ZNF569: variants seen among roughly 807,000 people sequenced by gnomAD.
The protein encoded by ZNF569 is zinc finger protein 569.
A neutral mutation model predicts 56.3 loss-of-function variants in ZNF569; 38 were observed. That is an observed-to-expected ratio of 0.68 (90% CI 0.52 to 0.88). The LOEUF (loss-of-function observed/expected upper bound fraction) is 0.88. Ranked by LOEUF, ZNF569 falls within the 40% of genes least tolerant of loss-of-function variation. The probability of loss-of-function intolerance (pLI) is 0.00; values close to 1 mark genes in which losing one functional copy is unlikely to be tolerated. For missense variants in ZNF569, 666 were observed against 809.2 expected, an observed-to-expected ratio of 0.82 and a Z score of 2.15; for synonymous variants, 241 against 262.9, an observed-to-expected ratio of 0.92 and a Z score of 0.81.
chr19:37,412,418 C>A lies in ZNF569; in HGVS notation c.*179G>T. 1 of 1,156,444 alleles carries A rather than the reference C, an allele frequency of 8.6e-7. No individual in the cohort carries two copies. The highest frequency in any genetic ancestry group is 1.1e-6 in the Non-Finnish European group (1 of 894,870). 71.6% of individuals were successfully genotyped at this position (1,156,444 alleles called of 1,614,324 possible). A position where few individuals can be genotyped will look rare whatever the true frequency, so the allele number is the denominator to read the frequency against. On this transcript the variant is annotated 3_prime_UTR_variant, in exon 6 of 6. Coordinates refer to ENST00000316950, the MANE Select transcript of ZNF569 (RefSeq NM_152484.3). ...GTCTGCTGAAAGTTTCTGGTAACAG[C>A]TTTTTCATTATATAATTTGTCACCT...
chr19:37,426,488 T>A, intron 3 of ZNF569, 110 bp from the exon 4 acceptor site: 1 of 1,202,380 alleles, frequency 8.3e-7, no homozygotes, highest in Non-Finnish European at 1.1e-6. Context: ...AAAAAGCCCA[T>A]CATATTAGCA....
Position 37,412,685 on chromosome 19 carries a change from C to G in ZNF569, c.1973G>C (p.Gly658Ala). The G allele has an allele frequency of 6.2e-7, 1 of 1,614,090 alleles. No homozygotes were observed. The highest frequency in any genetic ancestry group is 1.1e-5 in the South Asian group (1 of 91,074). ...CTCAATACAGTGATAGGGCTTCTCA[C>G]CTGTATGTTTTCTCATATGAAGGGT... ...SLTLHMRKHT[G>A]EKPYHCIECG... Residue 658 changes from glycine to alanine, a missense_variant, in exon 6 of 6, where the codon GGT becomes GCT. Transcript: ENST00000316950.
intron 2 of ZNF569, among the ~76,000 whole-genome samples, chr19:37,456,856 T>G (rs901969069): frequency 1.3e-5 from 2 of 151,516 alleles, no homozygotes; most frequent in Non-Finnish European, 2.9e-5. Flanking sequence ...TAATCCTAGC[T>G]ACTCAGGAGG....
intron 1 of ZNF569, 42 bp downstream of exon 1, chr19:37,467,040 CAA>C (rs1190218162): frequency 6.6e-6 from 1 of 152,368 alleles, no homozygotes; most frequent in Non-Finnish European, 1.5e-5. Context: ...CCACCCAGCA[CAA>C]AGAGTCCGGC....
chr19:37,426,988 G>A (rs778128036), intron 3 of ZNF569, among the ~76,000 whole-genome samples: 2 of 152,154 alleles, frequency 1.3e-5, no homozygotes, highest in Non-Finnish European at 2.9e-5. Context: ...TTAATGGTCA[G>A]AAATAGAATT....
rs543636821 is a variant in ZNF569 at position 37,423,141 on chromosome 19, T to TG, written c.238+2726_238+2727insC. The stretch of plus-strand genomic sequence containing the variant: ...TTGTCAACTCTGAAAATTTGAAGAC[T>TG]AGAATTAAGTGGGTAATTTCATGGA... On this transcript the variant is annotated intron_variant, in intron 5 of 5. Transcript: ENST00000316950. Among the ~76,000 whole-genome samples, 431 of 152,316 alleles carry TG rather than the reference T, an allele frequency of 2.8e-3. 3 individuals carry two copies. Among genetic ancestry groups the TG allele is most frequent in the South Asian group, 0.025 (119 of 4,832 alleles).
At chr19:37,458,101 G>A (rs2041701949) in intron 2 of ZNF569, among the ~76,000 whole-genome samples, 1 of 152,044 alleles carries the variant, frequency 6.6e-6, no homozygotes. Flanking sequence ...GAACACTTGG[G>A]CTCAAGTGAT....
Position 37,413,761 on chromosome 19 carries a change from T to G in ZNF569, c.897A>C (p.Glu299Asp). The G allele has an allele frequency of 6.2e-7, 1 of 1,613,636 alleles. No individual in the cohort carries two copies. The highest frequency in any genetic ancestry group is 1.3e-5 in the African/African-American group (1 of 75,032). ...TGAATGCTTTTCCACACTCATTACATTCATAAGGTTTCTCTCCAGTATGAA... is the reference window on the plus strand; with the variant it reads ...TGAATGCTTTTCCACACTCATTACAGTCATAAGGTTTCTCTCCAGTATGAA... ...EKIHTGEKPY[E>D]CNECGKAFSQ... Residue 299 changes from glutamate to aspartate, a missense_variant, in exon 6 of 6, where the codon GAA (glutamate) becomes GAC (aspartate). Physicochemically the swap from Glu to Asp is conservative, Grantham distance 45 (BLOSUM62 2). Transcript: ENST00000316950.
chr19:37,424,858 T>C (rs1195305340), intron 5 of ZNF569, among the ~76,000 whole-genome samples: 4 of 145,190 alleles, frequency 2.8e-5, no homozygotes, highest in Non-Finnish European at 4.5e-5. Context: ...TGGTGGCTCA[T>C]GCCTGTAATC....
intron 2 of ZNF569, among the ~76,000 whole-genome samples, chr19:37,464,960 C>T (rs1441080972): frequency 6.6e-6 from 1 of 152,148 alleles, no homozygotes; most frequent in Non-Finnish European, 1.5e-5. Flanking sequence ...ATTAATACTA[C>T]GGGCCATAAA....
chr19:37,414,975 A>G (rs1340217945), intron 5 of ZNF569, among the ~76,000 whole-genome samples: 1 of 152,170 alleles, frequency 6.6e-6, no homozygotes, highest in African/African-American at 2.4e-5. Context: ...AACAGATTTT[A>G]AAGGACAACT....
intron 3 of ZNF569, among the ~76,000 whole-genome samples, chr19:37,439,434 G>A (rs2146927369): frequency 6.6e-6 from 1 of 152,300 alleles, no homozygotes; most frequent in Non-Finnish European, 1.5e-5. Flanking sequence ...GGAGAAAAGG[G>A]AACCCTCATA....
intron 2 of ZNF569, among the ~76,000 whole-genome samples, chr19:37,448,454 C>CT (rs1392129813): frequency 2.1e-5 from 3 of 144,740 alleles, no homozygotes; most frequent in Admixed American, 6.8e-5. Flanking sequence ...CAATTTGTTT[C>CT]TTTTTTTCAA....
chr19:37,448,448 T>A (rs996620054), intron 2 of ZNF569, among the ~76,000 whole-genome samples: 2 of 152,054 alleles, frequency 1.3e-5, no homozygotes, highest in African/African-American at 4.8e-5. Flanking sequence ...TATCAGCAAT[T>A]TGTTTCTTTT....
chr19:37,434,906 C>A (rs540527478), intron 3 of ZNF569, among the ~76,000 whole-genome samples: 3 of 152,208 alleles, frequency 2.0e-5, no homozygotes, highest in Admixed American at 2.0e-4. Context: ...TCCCACCACC[C>A]TTTGCTGACT....
chr19:37,444,964 G>C lies in ZNF569; in HGVS notation c.-43C>G. On this transcript the variant is annotated splice_region_variant and 5_prime_UTR_variant, in exon 3 of 6. Coordinates refer to ENST00000316950, the MANE Select transcript of ZNF569 (RefSeq NM_152484.3). ...AAGGGATGGGGCCTGCAGAAGTAGA[G>C]CTGGGGAAGAGAATAAAAGTCATTA... 1.1e-5 allele frequency: 17 copies of C among 1,600,654 alleles called. No homozygotes were observed. The highest frequency in any genetic ancestry group is 1.4e-5 in the Non-Finnish European group (17 of 1,174,962).
intron 2 of ZNF569, among the ~76,000 whole-genome samples, chr19:37,457,796 C>A (rs1290019074): frequency 2.6e-5 from 4 of 152,008 alleles, no homozygotes; most frequent in Non-Finnish European, 5.9e-5. Flanking sequence ...TGTAACAAAC[C>A]TGCATGTTGT....
intron 2 of ZNF569, among the ~76,000 whole-genome samples, chr19:37,454,009 G>C (rs1050387762): frequency 6.6e-6 from 1 of 152,134 alleles, no homozygotes; most frequent in Non-Finnish European, 1.5e-5. Flanking sequence ...AGGTTAAGAA[G>C]TTTTTACACT....
rs899178598 is a variant in ZNF569, at chr19:37,411,878, A to G, written c.*719T>C. ...CTGCTTGATTTATTCACTTGGTAAT[A>G]CATTGTTTAAATGACAGCAGCTTTA... On this transcript the variant is annotated 3_prime_UTR_variant, in exon 6 of 6. Transcript: ENST00000316950. 3.9e-5 allele frequency: 6 copies of G among 152,174 alleles called. No individual in the cohort carries two copies. The highest frequency in any genetic ancestry group is 3.9e-4 in the Admixed American group (6 of 15,284). 9.4% of individuals were successfully genotyped at this position (152,174 alleles called of 1,614,324 possible). A position where few individuals can be genotyped will look rare whatever the true frequency, so the allele number is the denominator to read the frequency against.
Sources: allele counts gnomAD v4.1 joint callset (sites outside exome capture counted in the v4.1 genomes callset), GRCh38; gene constraint gnomAD v4.1.1; transcripts MANE v1.5; gene names NCBI Gene and HGNC (gene_info 2026-07-23, HGNC 2026-07-21).